HMG20A: variants seen among roughly 807,000 people sequenced by gnomAD.
The protein encoded by HMG20A is high mobility group 20A.
Under a neutral mutation model 43.9 loss-of-function variants are expected in HMG20A, and 17 were observed. That is an observed-to-expected ratio of 0.39 (90% CI 0.27 to 0.58). The LOEUF is 0.58. Among genes scored for constraint, HMG20A ranks in the 20% least tolerant of loss-of-function variants. The pLI is 0.59. For missense variants in HMG20A, 341 were observed against 438.2 expected (o/e 0.78, Z 1.98); for synonymous variants, 132 against 147.5 (o/e 0.89, Z 0.76).
chr15:77,498,173 A>G, the HMG20A span, among the ~76,000 whole-genome samples: 1 of 152,194 alleles, frequency 6.6e-6, no homozygotes, highest in African/African-American at 2.4e-5. Context: ...TGCAGCACAC[A>G]GCCCTTTCTT....
At chr15:77,493,459 TA>T in the HMG20A span, among the ~76,000 whole-genome samples, 5 of 152,102 alleles carry the variant, frequency 3.3e-5, no homozygotes, top group African/African-American at 1.2e-4. Flanking sequence ...TGTGCGGTCT[TA>T]TCACCAGCCC....
intron 1 of HMG20A, among the ~76,000 whole-genome samples, chr15:77,430,886 C>T (rs115924885): frequency 0.023 from 3,449 of 152,166 alleles, 110 homozygotes; most frequent in African/African-American, 0.072. Context: ...ATACATATGA[C>T]TGGAGGAGAG....
chr15:77,469,151 T>C (rs2072783905), intron 4 of HMG20A, among the ~76,000 whole-genome samples: 1 of 151,890 alleles, frequency 6.6e-6, no homozygotes, highest in African/African-American at 2.4e-5. Flanking sequence ...TCCTTTTGTT[T>C]CTCACTAGTA....
chr15:77,508,341 C>T, the HMG20A span, among the ~76,000 whole-genome samples: 22 of 152,318 alleles, frequency 1.4e-4, no homozygotes, highest in African/African-American at 4.1e-4. Context: ...CAACTCCCTT[C>T]GTTGCTTCTT....
chr15:77,433,447 A>G (rs1039024825), intron 1 of HMG20A, among the ~76,000 whole-genome samples: 4 of 152,194 alleles, frequency 2.6e-5, no homozygotes, highest in Non-Finnish European at 4.4e-5. Context: ...GTGTTACTCA[A>G]ACTCTTCAAT....
chr15:77,445,442 A>C (rs937216350), intron 1 of HMG20A, among the ~76,000 whole-genome samples: 3 of 152,032 alleles, frequency 2.0e-5, no homozygotes, highest in African/African-American at 4.8e-5. Flanking sequence ...ACATCCCAAG[A>C]CCCCCGGTAG....
chr15:77,459,733 G>A (rs2072688521), intron 2 of HMG20A, among the ~76,000 whole-genome samples: 1 of 152,170 alleles, frequency 6.6e-6, no homozygotes, highest in African/African-American at 2.4e-5. Context: ...GCAGCACATA[G>A]CAGCAGGAGA....
rs2072919594 is a variant in HMG20A at position 77,483,209 on chromosome 15, CG to C, written c.*249del. 6.6e-6 allele frequency: 1 copy of C among 152,178 alleles called. No homozygotes were observed. The highest frequency in any genetic ancestry group is 2.1e-4 in the South Asian group (1 of 4,828). 9.4% of individuals were successfully genotyped at this position (152,178 alleles called of 1,614,324 possible). A position where few individuals can be genotyped will look rare whatever the true frequency, so the allele number is the denominator to read the frequency against. On this transcript the variant is annotated 3_prime_UTR_variant, in exon 10 of 10. Transcript: ENST00000336216. ...CTTTGAAGGTGTACAGCCACTCTCC[CG>C]GGTCTTCAGGTTCCTACCATTTCCA... is the stretch of plus-strand genomic sequence containing the variant.
intron 1 of HMG20A, among the ~76,000 whole-genome samples, chr15:77,436,595 G>A (rs895316189): frequency 1.3e-5 from 2 of 151,676 alleles, no homozygotes; most frequent in South Asian, 4.2e-4. Flanking sequence ...AGTAGCTGGG[G>A]CCATGGGTGT....
intron 1 of HMG20A, among the ~76,000 whole-genome samples, chr15:77,422,667 T>C (rs2073382767): frequency 6.6e-6 from 1 of 152,196 alleles, no homozygotes; most frequent in East Asian, 1.9e-4. Flanking sequence ...TTAGAAAATA[T>C]GTTTTAAACC....
At chr15:77,472,592 ACCT>A (rs2072819810) in intron 6 of HMG20A, among the ~76,000 whole-genome samples, 1 of 151,806 alleles carries the variant, frequency 6.6e-6, no homozygotes. Flanking sequence ...CAGTTCTCAC[ACCT>A]CCTTTCCTAT....
In HMG20A at chr15:77,467,250, A is replaced by G; in HGVS notation, c.393A>G (p.Pro131=). 1.2e-6 allele frequency: 2 copies of G among 1,614,198 alleles called. No individual in the cohort carries two copies. Among genetic ancestry groups the G allele is most frequent in the Non-Finnish European group, 8.5e-7 (1 of 1,180,016 alleles). ...CAAAGAGACCAGAAGTCCCATTTCC[A>G]GAAATCACAAGGATGTTAGGCAATG... ...LRAKRPEVPF[P]EITRMLGNEW... Residue 131 remains proline (P), a synonymous_variant, in exon 4 of 10, where the codon CCA becomes CCG. Transcript: ENST00000336216.
chr15:77,436,606 G>A (rs1595913852), intron 1 of HMG20A, among the ~76,000 whole-genome samples: 1 of 151,782 alleles, frequency 6.6e-6, no homozygotes, highest in Non-Finnish European at 1.5e-5. Context: ...CCATGGGTGT[G>A]CACCACCATG....
At chr15:77,475,578 T>A (rs1453193679) in intron 6 of HMG20A, among the ~76,000 whole-genome samples, 1 of 152,246 alleles carries the variant, frequency 6.6e-6, no homozygotes, top group Non-Finnish European at 1.5e-5. Context: ...CTTAGGTAAC[T>A]GATCTCATGT....
chr15:77,424,416 T>G (rs1196278960), intron 1 of HMG20A, among the ~76,000 whole-genome samples: 1 of 152,220 alleles, frequency 6.6e-6, no homozygotes, highest in East Asian at 1.9e-4. Context: ...ACTAGCTTGG[T>G]AACCATGAGC....
intron 1 of HMG20A, among the ~76,000 whole-genome samples, chr15:77,443,238 G>A (rs1044610580): frequency 6.0e-5 from 9 of 150,884 alleles, no homozygotes; most frequent in African/African-American, 2.2e-4. Context: ...TCACCATGTT[G>A]TCCAGGCTGG....
chr15:77,482,098 A>G (rs879916799), intron 9 of HMG20A: 1 of 152,196 alleles, frequency 6.6e-6, no homozygotes, highest in African/African-American at 2.4e-5. Context: ...TACAGAATCC[A>G]AGACTAGAAC....
At chr15:77,428,260 A>G (rs1016617882) in intron 1 of HMG20A, among the ~76,000 whole-genome samples, 1 of 152,242 alleles carries the variant, frequency 6.6e-6, no homozygotes, top group African/African-American at 2.4e-5. Context: ...AAAATCTGTG[A>G]TGGTAACAAA....
chr15:77,499,531 C>G, the HMG20A span, among the ~76,000 whole-genome samples: 1 of 152,044 alleles, frequency 6.6e-6, no homozygotes, highest in East Asian at 1.9e-4. Flanking sequence ...GAATGCTCCC[C>G]CCCACACACA....
Sources: allele counts gnomAD v4.1 joint callset (sites outside exome capture counted in the v4.1 genomes callset), GRCh38; gene constraint gnomAD v4.1.1; transcripts MANE v1.5; gene names NCBI Gene and HGNC (gene_info 2026-07-23, HGNC 2026-07-21).